Variants in PSAT1 observed in about 807,000 individuals in gnomAD.
PSAT1 encodes the protein phosphoserine aminotransferase.
Under a neutral mutation model 40.3 loss-of-function variants are expected in PSAT1, and 41 were observed. That is an observed-to-expected ratio of 1.02 (90% CI 0.79 to 1.32). The LOEUF is 1.32. Among genes scored for constraint, PSAT1 ranks in the 40% most tolerant of loss-of-function variants. The pLI is 0.00. For missense variants in PSAT1, 406 were observed against 455.8 expected, an observed-to-expected ratio of 0.89 and a Z score of 0.99; for synonymous variants, 147 against 170.5, an observed-to-expected ratio of 0.86 and a Z score of 1.07.
intron 4 of PSAT1, among the ~76,000 whole-genome samples, chr9:78,305,470 A>T (rs945448256): frequency 6.6e-6 from 1 of 152,212 alleles, no homozygotes; most frequent in Admixed American, 6.5e-5. Flanking sequence ...TTTTCAGCTA[A>T]TTAGCTGAAA....
Position 78,328,183 on chromosome 9 carries a change from G to C in PSAT1, c.1002G>C (p.Gly334=), listed in dbSNP as rs1221114011. 6.2e-7 allele frequency: 1 copy of C among 1,613,896 alleles called. No individual in the cohort carries two copies. The highest frequency in any genetic ancestry group is 1.3e-5 in the African/African-American group (1 of 74,922). The change falls in exon 8 of 9, where the codon GGG becomes GGC. Residue 334 remains glycine, a synonymous_variant. Transcript: ENST00000376588. ...ALELNMLSLK[G]HRSVGGIRAS... is the part of the protein sequence containing the mutation. ...AACTCAATATGTTGTCCTTGAAAGG[G>C]CATAGGTGAGTACATCTGCAATGCA...
At chr9:78,326,953 A>AT (rs1397133333) in intron 7 of PSAT1, among the ~76,000 whole-genome samples, 1,435 of 81,322 alleles carry the variant, frequency 0.018, 66 homozygotes, top group African/African-American at 0.11. Context: ...ATATATATAT[A>AT]TATTTTTTTT....
chr9:78,323,799 T>C (rs940124364), intron 7 of PSAT1, among the ~76,000 whole-genome samples: 1 of 152,136 alleles, frequency 6.6e-6, no homozygotes, highest in Non-Finnish European at 1.5e-5. Flanking sequence ...CATGTACAAA[T>C]TTAAAATTAA....
chr9:78,305,515 T>G (rs1828168995), intron 4 of PSAT1, among the ~76,000 whole-genome samples: 1 of 152,158 alleles, frequency 6.6e-6, no homozygotes, highest in African/African-American at 2.4e-5. Context: ...AGATATGGCT[T>G]GATCAGGGGC....
At chr9:78,300,792 T>A in intron 2 of PSAT1, 130 bp downstream of exon 2, 1 of 1,377,024 alleles carries the variant, frequency 7.3e-7, no homozygotes, top group South Asian at 1.6e-5. Flanking sequence ...CATAGTTCAC[T>A]GCAGCCTCCA....
At position 78,297,130 on chromosome 9, in the gene PSAT1, C is replaced by A; in HGVS notation, c.-81C>A. The stretch of plus-strand genomic sequence containing the variant: ...GCGGGGGTTCGGGGCCGGCTGCAGA[C>A]TCTCACCGCAGCGGCCAGGAACGCC... On this transcript the variant is annotated 5_prime_UTR_variant, in exon 1 of 9. Transcript: ENST00000376588. 1 of 1,432,332 alleles carries A rather than the reference C, an allele frequency of 7.0e-7. No homozygotes were observed. The highest frequency in any genetic ancestry group is 1.2e-5 in the South Asian group (1 of 82,296). 88.7% of individuals were successfully genotyped at this position (1,432,332 alleles called of 1,614,324 possible).
chr9:78,297,959 C>G (rs1443515025), intron 1 of PSAT1, among the ~76,000 whole-genome samples: 2 of 152,032 alleles, frequency 1.3e-5, no homozygotes, highest in Admixed American at 1.3e-4. Context: ...AGCCTTTCTC[C>G]CCACCCCCCT....
At chr9:78,319,537 A>G (rs984454611) in intron 7 of PSAT1, among the ~76,000 whole-genome samples, 2 of 152,216 alleles carry the variant, frequency 1.3e-5, no homozygotes, top group African/African-American at 4.8e-5. Context: ...CTAGACCTTG[A>G]TGTGTGAGTT....
At position 78,297,413 on chromosome 9, in the gene PSAT1, G is replaced by A. The variant is rs549186368; in HGVS notation, c.60+143G>A. 47 of 1,007,230 alleles carry A rather than the reference G, an allele frequency of 4.7e-5. No homozygotes were observed. The African/African-American group carries it at 7.0e-4, about 15-fold the overall frequency. The allele number at this position is 1,007,230 out of a possible 1,614,324, so 62.4% of individuals were successfully genotyped here. ...CGCTTTGCATCAGCGTGCACAGCGG[G>A]ATCAGCAGCTCCGGCAAGCGGGCTT... On this transcript the variant is annotated intron_variant, in intron 1 of 8. Transcript: ENST00000376588.
chr9:78,301,504 C>T (rs142117098), intron 2 of PSAT1, among the ~76,000 whole-genome samples: 84 of 152,202 alleles, frequency 5.5e-4, no homozygotes, highest in African/African-American at 1.8e-3. Flanking sequence ...TATTAAGAGA[C>T]CATAGGGTTA....
intron 6 of PSAT1, among the ~76,000 whole-genome samples, chr9:78,309,727 T>C (rs1266342520): frequency 6.6e-6 from 1 of 152,186 alleles, no homozygotes; most frequent in Non-Finnish European, 1.5e-5. Context: ...ATTCGCTGAC[T>C]GGGGGCTGCG....
intron 7 of PSAT1, among the ~76,000 whole-genome samples, chr9:78,326,955 A>ATATATATATATATAT: frequency 1.3e-5 from 1 of 75,934 alleles, no homozygotes; most frequent in Non-Finnish European, 2.1e-5. Flanking sequence ...ATATATATAT[A>ATATATATATATATAT]TTTTTTTTTT....
At position 78,310,632 on chromosome 9, in the gene PSAT1, A is replaced by G. The variant is rs1229748103; in HGVS notation, c.740+2049A>G. On this transcript the variant is annotated intron_variant, in intron 6 of 8. Coordinates refer to ENST00000376588, the MANE Select transcript of PSAT1 (RefSeq NM_058179.4). Reference sequence around the variant, plus strand: ...AAGGAAAGAATTTTTTTTTTTTTTGACAGAATCTTGCTCTGTTGCCCAGGC... The same window carrying G: ...AAGGAAAGAATTTTTTTTTTTTTTGGCAGAATCTTGCTCTGTTGCCCAGGC... 7.7e-5 allele frequency among the ~76,000 whole-genome samples: 8 copies of G among 104,510 alleles called. No homozygotes were observed. The South Asian group carries it at 2.1e-3, about 27-fold the overall frequency. The allele number at this position is 104,510 out of a possible 152,430, so 68.6% of individuals were successfully genotyped here.
At chr9:78,314,948 T>C (rs1168417511) in intron 6 of PSAT1, among the ~76,000 whole-genome samples, 1 of 152,050 alleles carries the variant, frequency 6.6e-6, no homozygotes, top group East Asian at 1.9e-4. Context: ...TCTGCTTGGA[T>C]TCAATCACAT....
intron 7 of PSAT1, among the ~76,000 whole-genome samples, chr9:78,323,744 A>G (rs1828460501): frequency 1.3e-5 from 2 of 152,196 alleles, no homozygotes; most frequent in East Asian, 1.9e-4. Context: ...TCTTGTGGGA[A>G]GAGGGGTGGC....
At chr9:78,312,467 A>G (rs1828281995) in intron 6 of PSAT1, among the ~76,000 whole-genome samples, 1 of 151,732 alleles carries the variant, frequency 6.6e-6, no homozygotes, top group Non-Finnish European at 1.5e-5. Context: ...AGGTCGAGGC[A>G]GGTGGATCAC....
intron 1 of PSAT1, among the ~76,000 whole-genome samples, chr9:78,299,409 T>C (rs1828074403): frequency 6.6e-6 from 1 of 152,014 alleles, no homozygotes. Context: ...AAAGATTCAC[T>C]CTATTTTATT....
At position 78,329,024 on chromosome 9, in the gene PSAT1, A is replaced by G. The variant is rs760503466; in HGVS notation, c.1051A>G (p.Ile351Val). 7 of 1,613,610 alleles carry G rather than the reference A, an allele frequency of 4.3e-6. No individual in the cohort carries two copies. The highest frequency in any genetic ancestry group is 1.3e-5 in the African/African-American group (1 of 75,046). ...IRASLYNAVT[I>V]EDVQKLAAFM... ...GGCCTCTCTGTATAATGCTGTCACA[A>G]TTGAAGACGTTCAGAAGCTGGCCGC... Residue 351 changes from isoleucine (I) to valine (V), a missense_variant, in exon 9 of 9, where the codon ATT becomes GTT. Physicochemically the swap from Ile to Val is conservative, Grantham distance 29 (BLOSUM62 3). Coordinates refer to ENST00000376588, the MANE Select transcript of PSAT1 (RefSeq NM_058179.4).
At chr9:78,301,560 A>G (rs995545538) in intron 2 of PSAT1, among the ~76,000 whole-genome samples, 1 of 152,148 alleles carries the variant, frequency 6.6e-6, no homozygotes, top group African/African-American at 2.4e-5. Context: ...TTGGTTTGGG[A>G]CATATACTTA....
Sources: allele counts gnomAD v4.1 joint callset (sites outside exome capture counted in the v4.1 genomes callset), GRCh38; gene constraint gnomAD v4.1.1; transcripts MANE v1.5; gene names NCBI Gene and HGNC (gene_info 2026-07-23, HGNC 2026-07-21).